PPP1R16A: variants seen among roughly 807,000 people sequenced by gnomAD.
PPP1R16A encodes protein phosphatase 1 regulatory subunit 16A.
Under a neutral mutation model 46.6 loss-of-function variants are expected in PPP1R16A, and 39 were observed. The ratio of observed to expected loss-of-function variants is 0.84; its 90% CI spans 0.65 to 1.09. The LOEUF (loss-of-function observed/expected upper bound fraction) is 1.09. PPP1R16A is among the 50% of genes least tolerant of loss of function. PPP1R16A has a pLI of 0.00. For synonymous variants in PPP1R16A, 413 were observed against 321.5 expected (o/e 1.28, Z -3.04); for missense variants, 798 against 735.6 (o/e 1.08, Z -0.98).
intron 1 of PPP1R16A, among the ~76,000 whole-genome samples, chr8:144,484,389 A>G (rs2130207331): frequency 6.6e-6 from 1 of 152,340 alleles, no homozygotes; most frequent in South Asian, 2.1e-4. Flanking sequence ...GAGGCAGTTC[A>G]TAGGGAAGGC....
chr8:144,500,725 C>G lies in PPP1R16A; in HGVS notation c.871C>G (p.Leu291Val). 1 of 1,611,948 alleles carries G rather than the reference C, an allele frequency of 6.2e-7. No homozygotes were observed. Among genetic ancestry groups the G allele is most frequent in the Non-Finnish European group, 8.5e-7 (1 of 1,179,694 alleles). The change falls in exon 9 of 12, where the codon CTG becomes GTG. Residue 291 changes from leucine (L) to valine (V), a missense_variant. By Grantham distance (32) the Leu-to-Val change is conservative. Coordinates refer to ENST00000435887, the MANE Select transcript of PPP1R16A (RefSeq NM_001329443.2). ...VELLVAHGAD[L>V]NAKSLMDETP... Reference sequence around the variant, plus strand: ...GCTGCTCGTGGCGCACGGGGCCGACCTGAACGCAAAGTCCCTGATGGACGA... The same window carrying G: ...GCTGCTCGTGGCGCACGGGGCCGACGTGAACGCAAAGTCCCTGATGGACGA...
chr8:144,478,088 C>T lies in PPP1R16A; in HGVS notation c.-953C>T. The T allele has an allele frequency of 2.5e-6, 1 of 395,840 alleles. No homozygotes were observed. Among genetic ancestry groups the T allele is most frequent in the Non-Finnish European group, 4.5e-6 (1 of 224,172 alleles). 24.5% of individuals were successfully genotyped at this position (395,840 alleles called of 1,614,324 possible). On this transcript the variant is annotated 5_prime_UTR_variant, in exon 1 of 12. Transcript: ENST00000435887. ...GCGGGGCCCACTGACCCGCGGAAGC[C>T]AGCGGACCCACTTGTGCGGCGGTCG...
At chr8:144,484,770 T>A (rs1041136166) in intron 1 of PPP1R16A, among the ~76,000 whole-genome samples, 1 of 152,188 alleles carries the variant, frequency 6.6e-6, no homozygotes, top group Non-Finnish European at 1.5e-5. Flanking sequence ...TCCACGCGTA[T>A]CTCCTGTCCC....
intron 3 of PPP1R16A, chr8:144,497,792 C>T (rs1826156726): frequency 2.3e-6 from 1 of 437,098 alleles, no homozygotes; most frequent in South Asian, 2.0e-5. Flanking sequence ...GCAGGGGTGG[C>T]CGGTAGTCAT....
At chr8:144,487,472 T>G (rs1252853292) in intron 1 of PPP1R16A, among the ~76,000 whole-genome samples, 1 of 152,052 alleles carries the variant, frequency 6.6e-6, no homozygotes, top group Non-Finnish European at 1.5e-5. Flanking sequence ...CAGGCTCAAG[T>G]GATCTTCCCA....
chr8:144,498,472 G>A (rs1053605196), intron 3 of PPP1R16A: 15 of 440,030 alleles, frequency 3.4e-5, no homozygotes, highest in Admixed American at 2.2e-4. Flanking sequence ...CTGGAGGGAG[G>A]TGTGGGATTG....
At chr8:144,491,539 A>G (rs6599531) in intron 2 of PPP1R16A, among the ~76,000 whole-genome samples, 150,185 of 152,218 alleles carry the variant, frequency 0.99, 74,208 homozygotes, top group Middle Eastern at 1. Flanking sequence ...TGACATGAGC[A>G]GATCACGAGG....
intron 1 of PPP1R16A, among the ~76,000 whole-genome samples, chr8:144,484,583 A>T (rs1317067773): frequency 1.3e-5 from 2 of 152,196 alleles, no homozygotes; most frequent in African/African-American, 4.8e-5. Flanking sequence ...GGCCTTTGAC[A>T]CCTTGCTGTG....
Position 144,500,705 on chromosome 8 carries a change from T to G in PPP1R16A, c.851T>G (p.Leu284Arg), listed in dbSNP as rs772884954. 2 of 1,611,500 alleles carry G rather than the reference T, an allele frequency of 1.2e-6. No individual in the cohort carries two copies. The highest frequency in any genetic ancestry group is 8.5e-7 in the Non-Finnish European group (1 of 1,179,630). ...CCACAGGTGCCCCTGGTGGAGCTGC[T>G]CGTGGCGCACGGGGCCGACCTGAAC... ...YWGQVPLVEL[L>R]VAHGADLNAK... Residue 284 changes from leucine to arginine, a missense_variant, in exon 9 of 12, where the codon CTC (leucine) becomes CGC (arginine). By Grantham distance (102) the Leu-to-Arg change is moderately radical (BLOSUM62 -2). Coordinates refer to ENST00000435887, the MANE Select transcript of PPP1R16A (RefSeq NM_001329443.2).
At chr8:144,495,179 A>G (rs1390828919) in intron 2 of PPP1R16A, among the ~76,000 whole-genome samples, 1 of 152,188 alleles carries the variant, frequency 6.6e-6, no homozygotes, top group Non-Finnish European at 1.5e-5. Flanking sequence ...GACTATGTCT[A>G]GAGTAGGCTG....
In PPP1R16A at chr8:144,500,297, G is replaced by T. The variant is rs1280655488; in HGVS notation, c.611G>T (p.Arg204Leu). ...ACCCAGGACAGCATCGAGGCCGCCC[G>T]GGCCGTGCCAGAACTGCGCATGCTG... is the stretch of plus-strand genomic sequence containing the variant. ...GITQDSIEAARAVPELRMLDD... is the reference protein window; with the variant it reads ...GITQDSIEAALAVPELRMLDD... Residue 204 changes from arginine (R) to leucine (L), a missense_variant, in exon 7 of 12, where the codon CGG becomes CTG. Physicochemically the swap from Arg to Leu is moderately radical, Grantham distance 102. Transcript: ENST00000435887. The T allele has an allele frequency of 4.5e-6, 7 of 1,545,232 alleles. No individual in the cohort carries two copies. In the Admixed American group the frequency reaches 1.2e-4, roughly 26 times the overall value.
Position 144,501,802 on chromosome 8 carries a change from G to A in PPP1R16A, c.1486G>A (p.Asp496Asn), listed in dbSNP as rs377443927. Residue 496 changes from aspartate (D) to asparagine (N), a missense_variant, in exon 12 of 12, where the codon GAC (aspartate) becomes AAC (asparagine). Coordinates refer to ENST00000435887, the MANE Select transcript of PPP1R16A (RefSeq NM_001329443.2). ...TGGTGACACGGTGACCCCCCAGCCT[G>A]ACTGTGGCTTCAGGGCAGGCGGGGA... ...LPGDTVTPQP[D>N]CGFRAGGDPP... The A allele has an allele frequency of 6.4e-6, 10 of 1,556,492 alleles. No homozygotes were observed. The highest frequency in any genetic ancestry group is 3.8e-5 in the Admixed American group (2 of 52,176).
intron 6 of PPP1R16A, 32 bp downstream of exon 6, chr8:144,500,231 G>T: frequency 6.3e-7 from 1 of 1,581,206 alleles, no homozygotes; most frequent in Non-Finnish European, 8.6e-7. Context: ...TGGGAGGGCT[G>T]CCGGTCGCGC....
At chr8:144,490,336 G>A (rs996103276) in intron 2 of PPP1R16A, 124 bp downstream of exon 2, 9 of 152,234 alleles carry the variant, frequency 5.9e-5, no homozygotes, top group Non-Finnish European at 1.3e-4. Flanking sequence ...GCGAAACCCC[G>A]TATCTACTAA....
chr8:144,495,399 G>C (rs1826006335), intron 2 of PPP1R16A: 1 of 152,206 alleles, frequency 6.6e-6, no homozygotes, highest in Non-Finnish European at 1.5e-5. Flanking sequence ...CTCCTGGCAG[G>C]CATCTTCTGC....
intron 5 of PPP1R16A, 118 bp from the exon 6 acceptor site, chr8:144,499,978 G>C: frequency 1.0e-6 from 1 of 988,948 alleles, no homozygotes; most frequent in Admixed American, 2.2e-5. Context: ...CAGGTGGACA[G>C]GGTGCCTCCT....
chr8:144,500,930 C>T lies in PPP1R16A; in HGVS notation c.996C>T (p.Arg332=). 2 of 1,520,904 alleles carry T rather than the reference C, an allele frequency of 1.3e-6. No homozygotes were observed. Among genetic ancestry groups the T allele is most frequent in the Non-Finnish European group, 1.8e-6 (2 of 1,138,974 alleles). 94.2% of individuals were successfully genotyped at this position (1,520,904 alleles called of 1,614,324 possible). A position where few individuals can be genotyped will look rare whatever the true frequency, so the allele number is the denominator to read the frequency against. Residue 332 remains arginine (R), a synonymous_variant, in exon 10 of 12, where the codon CGC becomes CGT. Coordinates refer to ENST00000435887, the MANE Select transcript of PPP1R16A (RefSeq NM_001329443.2). ...TCCTGCGCGCCCAGAGCCGCCAGCGCTCCTTGCTGCGCCGCCGCACCTCCA... is the reference window on the plus strand; with the variant it reads ...TCCTGCGCGCCCAGAGCCGCCAGCGTTCCTTGCTGCGCCGCCGCACCTCCA... ...DALLRAQSRQ[R]SLLRRRTSSA...
chr8:144,488,808 G>C (rs1825702835), intron 1 of PPP1R16A, among the ~76,000 whole-genome samples: 1 of 151,900 alleles, frequency 6.6e-6, no homozygotes, highest in African/African-American at 2.4e-5. Flanking sequence ...AGGAGCACAG[G>C]GGTTGGGGAA....
chr8:144,480,354 G>A (rs1055430783), intron 1 of PPP1R16A, among the ~76,000 whole-genome samples: 11 of 152,172 alleles, frequency 7.2e-5, no homozygotes, highest in African/African-American at 2.4e-4. Context: ...TCACTCTGTC[G>A]CCCAGACTGG....
Sources: gnomAD v4.1 joint callset for allele counts (sites outside exome capture counted in the v4.1 genomes callset) on GRCh38, gnomAD v4.1.1 for gene constraint, MANE v1.5 for transcripts, NCBI Gene and HGNC (gene_info 2026-07-23, HGNC 2026-07-21) for gene names.